GALNTL6: variants seen among roughly 807,000 people sequenced by gnomAD.
GALNTL6 encodes the protein polypeptide N-acetylgalactosaminyltransferase like 6, also known as polypeptide N-acetylgalactosaminyltransferase-like 6.
In GALNTL6, 46 loss-of-function variants were observed where a neutral mutation model predicts 73.7. That is an observed-to-expected ratio of 0.62 (90% CI 0.49 to 0.80). The LOEUF (loss-of-function observed/expected upper bound fraction) is 0.80, where lower values mean the gene tolerates loss of function less well. GALNTL6 is among the 30% of genes least tolerant of loss of function. The probability of loss-of-function intolerance (pLI) is 0.00; values close to 1 mark genes in which losing one functional copy is unlikely to be tolerated. For missense variants in GALNTL6, 604 were observed against 755.0 expected (o/e 0.80, Z 2.34); for synonymous variants, 259 against 263.7 (o/e 0.98, Z 0.17).
chr4:172,735,061 A>G (rs895757635), intron 5 of GALNTL6, among the ~76,000 whole-genome samples: 1 of 152,218 alleles, frequency 6.6e-6, no homozygotes, highest in African/African-American at 2.4e-5. Flanking sequence ...GAGCACCCAC[A>G]CAGAGTCCCC....
At chr4:172,585,556 T>G (rs904645932) in intron 5 of GALNTL6, among the ~76,000 whole-genome samples, 1 of 152,200 alleles carries the variant, frequency 6.6e-6, no homozygotes, top group Admixed American at 6.5e-5. Flanking sequence ...GGTTTCCAGC[T>G]TCATTCATGT....
intron 9 of GALNTL6, among the ~76,000 whole-genome samples, chr4:172,944,282 A>T (rs1211306628): frequency 6.6e-6 from 1 of 152,208 alleles, no homozygotes; most frequent in Non-Finnish European, 1.5e-5. Flanking sequence ...TAATAAGTAA[A>T]ACGGCCCAAT....
intron 5 of GALNTL6, among the ~76,000 whole-genome samples, chr4:172,788,197 AC>A (rs1739770404): frequency 6.6e-6 from 1 of 151,970 alleles, no homozygotes; most frequent in Non-Finnish European, 1.5e-5. Context: ...AAACAAACAA[AC>A]AAACAAAAAA....
At chr4:172,427,712 A>G (rs1731283551) in intron 5 of GALNTL6, among the ~76,000 whole-genome samples, 1 of 152,188 alleles carries the variant, frequency 6.6e-6, no homozygotes, top group South Asian at 2.1e-4. Context: ...ATGAACTGGA[A>G]CCATGTAGTT....
intron 2 of GALNTL6, 42 bp downstream of exon 2, chr4:171,814,760 G>A: frequency 6.2e-7 from 1 of 1,604,658 alleles, no homozygotes; most frequent in East Asian, 2.2e-5. Flanking sequence ...GATTGGTAAG[G>A]CAGTGATCCT....
At chr4:172,480,193 A>G (rs558266285) in intron 5 of GALNTL6, among the ~76,000 whole-genome samples, 1 of 151,926 alleles carries the variant, frequency 6.6e-6, no homozygotes, top group African/African-American at 2.4e-5. Flanking sequence ...TATAGTCCCA[A>G]CTACTTGAGA....
At chr4:171,842,275 T>A (rs538772772) in intron 2 of GALNTL6, among the ~76,000 whole-genome samples, 7 of 152,302 alleles carry the variant, frequency 4.6e-5, no homozygotes, top group Admixed American at 2.0e-4. Flanking sequence ...GGCCTGTCCT[T>A]AAAATTTTTA....
chr4:172,619,519 T>A (rs764764087), intron 5 of GALNTL6, among the ~76,000 whole-genome samples: 26 of 152,206 alleles, frequency 1.7e-4, no homozygotes, highest in East Asian at 1.9e-4. Context: ...ACTAATTTTA[T>A]GTTTTTGCAG....
intron 2 of GALNTL6, among the ~76,000 whole-genome samples, chr4:171,926,670 T>A (rs537077780): frequency 6.6e-6 from 1 of 152,236 alleles, no homozygotes; most frequent in South Asian, 2.1e-4. Flanking sequence ...ATGCAGGATA[T>A]CATTTTCTTC....
intron 5 of GALNTL6, among the ~76,000 whole-genome samples, chr4:172,807,302 A>G (rs1021417657): frequency 7.2e-5 from 11 of 152,224 alleles, no homozygotes; most frequent in African/African-American, 2.4e-4. Context: ...GCTTGCCACA[A>G]CTTCTTCCTT....
chr4:172,766,165 A>C (rs1157434788), intron 5 of GALNTL6, among the ~76,000 whole-genome samples: 5 of 152,138 alleles, frequency 3.3e-5, no homozygotes, highest in Non-Finnish European at 7.4e-5. Context: ...CCTCTATTCC[A>C]TGTACAACTG....
At chr4:172,668,087 G>A (rs1452874516) in intron 5 of GALNTL6, 2 of 152,044 alleles carry the variant, frequency 1.3e-5, no homozygotes, top group African/African-American at 4.8e-5. Context: ...AGTTTGAGAA[G>A]GTATATTTGT....
intron 5 of GALNTL6, among the ~76,000 whole-genome samples, chr4:172,759,625 T>C (rs1342754415): frequency 3.3e-5 from 5 of 152,116 alleles, no homozygotes; most frequent in African/African-American, 1.2e-4. Context: ...GTGTCCTCAC[T>C]CCGCCATCTC....
At chr4:172,182,780 A>T (rs1735295115) in intron 2 of GALNTL6, among the ~76,000 whole-genome samples, 1 of 152,054 alleles carries the variant, frequency 6.6e-6, no homozygotes, top group Admixed American at 6.6e-5. Context: ...CAAACCGTAA[A>T]TTCATACATC....
chr4:172,397,574 TTTA>T, intron 5 of GALNTL6, among the ~76,000 whole-genome samples: 1 of 151,060 alleles, frequency 6.6e-6, no homozygotes, highest in East Asian at 1.9e-4. Context: ...TATTTATTTA[TTTA>T]TTTATTTATT....
At chr4:171,864,264 A>G (rs563703755) in intron 2 of GALNTL6, among the ~76,000 whole-genome samples, 6 of 152,352 alleles carry the variant, frequency 3.9e-5, no homozygotes, top group African/African-American at 1.2e-4. Context: ...GGTTCTGAAT[A>G]TGATTAAATT....
At chr4:171,924,608 A>C (rs549971906) in intron 2 of GALNTL6, among the ~76,000 whole-genome samples, 1 of 152,302 alleles carries the variant, frequency 6.6e-6, no homozygotes, top group South Asian at 2.1e-4. Context: ...AAGCACGATC[A>C]GGTGCTATTC....
At chr4:171,901,902 A>G (rs1343280425) in intron 2 of GALNTL6, among the ~76,000 whole-genome samples, 3 of 152,136 alleles carry the variant, frequency 2.0e-5, no homozygotes, top group Admixed American at 1.3e-4. Flanking sequence ...AATTAATTAT[A>G]CAAATTAATC....
intron 2 of GALNTL6, among the ~76,000 whole-genome samples, chr4:171,845,707 C>T (rs530480139): frequency 1.3e-5 from 2 of 152,236 alleles, no homozygotes; most frequent in South Asian, 2.1e-4. Flanking sequence ...GAGACCAAGT[C>T]TCCAAATTAC....
Sources: gnomAD v4.1 joint callset for allele counts (sites outside exome capture counted in the v4.1 genomes callset) on GRCh38, gnomAD v4.1.1 for gene constraint, MANE v1.5 for transcripts, NCBI Gene and HGNC (gene_info 2026-07-23, HGNC 2026-07-21) for gene names.